Variants in PDE11A observed in about 807,000 individuals in gnomAD.
PDE11A encodes the protein phosphodiesterase 11A, also known as dual 3',5'-cyclic-AMP and -GMP phosphodiesterase 11A.
Under a neutral mutation model 100.5 loss-of-function variants are expected in PDE11A, and 100 were observed. The observed-to-expected ratio is 1.00, with a 90% CI of 0.85 to 1.18. PDE11A has a LOEUF of 1.18. Ranked by LOEUF, PDE11A falls within the 50% of genes most tolerant of loss-of-function variation. PDE11A has a pLI of 0.00. For missense variants in PDE11A, 1,141 were observed against 1,152.6 expected (o/e 0.99, Z 0.15); for synonymous variants, 381 against 420.8 (o/e 0.91, Z 1.16).
intron 2 of PDE11A, among the ~76,000 whole-genome samples, chr2:177,986,614 G>A (rs1304486832): frequency 1.3e-5 from 2 of 152,010 alleles, no homozygotes; most frequent in Non-Finnish European, 1.5e-5. Flanking sequence ...GGAGGATCAC[G>A]AGGTCAAGAG....
At chr2:177,640,934 T>C (rs775955614) in intron 19 of PDE11A, among the ~76,000 whole-genome samples, 5 of 152,218 alleles carry the variant, frequency 3.3e-5, no homozygotes, top group Admixed American at 3.3e-4. Flanking sequence ...GTCCTGTCAA[T>C]CCCACTTCCA....
intron 5 of PDE11A, among the ~76,000 whole-genome samples, chr2:177,842,258 G>C (rs1252898775): frequency 6.6e-6 from 1 of 152,190 alleles, no homozygotes; most frequent in Non-Finnish European, 1.5e-5. Context: ...GGGCACAGAA[G>C]TAAAACGGTT....
At chr2:177,701,814 A>G (rs2081201748) in intron 13 of PDE11A, among the ~76,000 whole-genome samples, 2 of 152,182 alleles carry the variant, frequency 1.3e-5, no homozygotes, top group South Asian at 4.1e-4. Context: ...TTTCCAGTCC[A>G]TAGTCACACT....
At chr2:178,055,040 A>G (rs2086880780) in intron 1 of PDE11A, among the ~76,000 whole-genome samples, 2 of 152,228 alleles carry the variant, frequency 1.3e-5, no homozygotes, top group African/African-American at 4.8e-5. Context: ...ATAAAGACAC[A>G]TGCACATGTA....
At chr2:178,086,364 C>T (rs1472173948) in intron 2 of PDE11A, among the ~76,000 whole-genome samples, 1 of 152,132 alleles carries the variant, frequency 6.6e-6, no homozygotes, top group East Asian at 1.9e-4. Flanking sequence ...TACACAAAGG[C>T]ATGAATAGCT....
At chr2:177,717,454 A>C (rs2081457118) in intron 12 of PDE11A, among the ~76,000 whole-genome samples, 1 of 152,062 alleles carries the variant, frequency 6.6e-6, no homozygotes, top group African/African-American at 2.4e-5. Flanking sequence ...CATTTACCCC[A>C]TTCTTGACTC....
At chr2:178,074,049 G>T (rs2087172496), upstream of PDE11A, among the ~76,000 whole-genome samples, 1 of 152,046 alleles carries the variant, frequency 6.6e-6, no homozygotes, top group Admixed American at 6.5e-5. Context: ...ATCATAAAAT[G>T]GAATAAAGCA....
intron 19 of PDE11A, among the ~76,000 whole-genome samples, chr2:177,637,458 T>A (rs1270697122): frequency 2.0e-5 from 3 of 152,158 alleles, no homozygotes; most frequent in Non-Finnish European, 4.4e-5. Flanking sequence ...TCTATCGCAC[T>A]GAAAAGGTAT....
chr2:177,679,504 A>G (rs1195429238), intron 16 of PDE11A, among the ~76,000 whole-genome samples: 1 of 152,232 alleles, frequency 6.6e-6, no homozygotes, highest in Non-Finnish European at 1.5e-5. Flanking sequence ...CTGTGCAACC[A>G]GTATGGGAAT....
At chr2:177,893,689 G>T (rs1231947448) in intron 4 of PDE11A, among the ~76,000 whole-genome samples, 1 of 152,128 alleles carries the variant, frequency 6.6e-6, no homozygotes, top group African/African-American at 2.4e-5. Flanking sequence ...ATAAGGAAAA[G>T]CTCTTTGGTG....
At chr2:177,990,440 T>G (rs2085988443) in intron 2 of PDE11A, among the ~76,000 whole-genome samples, 1 of 152,070 alleles carries the variant, frequency 6.6e-6, no homozygotes, top group African/African-American at 2.4e-5. Flanking sequence ...CTGGGGGGGA[T>G]AGTTTCAAAA....
intron 2 of PDE11A, among the ~76,000 whole-genome samples, chr2:178,082,777 T>C (rs1040070704): frequency 3.9e-5 from 6 of 152,182 alleles, no homozygotes; most frequent in African/African-American, 1.4e-4. Flanking sequence ...ACCCTCACTG[T>C]GCATTCTGGG....
chr2:178,080,058 G>A (rs370132720), intron 2 of PDE11A, among the ~76,000 whole-genome samples: 119 of 152,160 alleles, frequency 7.8e-4, no homozygotes, highest in African/African-American at 2.6e-3. Flanking sequence ...TTGTCAGATG[G>A]ATAGATTGCA....
At chr2:177,871,391 G>A (rs971838793) in intron 5 of PDE11A, among the ~76,000 whole-genome samples, 2 of 152,002 alleles carry the variant, frequency 1.3e-5, no homozygotes, top group Admixed American at 1.3e-4. Context: ...GCACAGCACT[G>A]GTGAGGAGTG....
In PDE11A at chr2:177,665,245, G is replaced by A. The variant is rs903847500; in HGVS notation, c.2563-1296C>T. Among the ~76,000 whole-genome samples the A allele has an allele frequency of 4.6e-5, 7 of 150,810 alleles. No individual in the cohort carries two copies. In the East Asian group the frequency reaches 1.4e-3, roughly 29 times the overall value. On this transcript the variant is annotated intron_variant, in intron 18 of 19. Transcript: ENST00000286063. ...CTAGCACTTTGAGAGGTTGGGGCAG[G>A]AGGATCACTTGAGCCCAAGAGTTCA...
intron 5 of PDE11A, among the ~76,000 whole-genome samples, chr2:177,841,609 G>C (rs2083491845): frequency 1.3e-5 from 2 of 152,080 alleles, no homozygotes; most frequent in Admixed American, 6.5e-5. Context: ...TGAGTGAGTG[G>C]GACACATAGA....
At position 177,778,316 on chromosome 2, in the gene PDE11A, G is replaced by T. The variant is rs559522110; in HGVS notation, c.1738-8943C>A. On this transcript the variant is annotated intron_variant, in intron 9 of 19. Coordinates refer to ENST00000286063, the MANE Select transcript of PDE11A (RefSeq NM_016953.4). ...ACAGACCTCTTGCACCAATTGTCTT[G>T]AATGTTAATTTGTTGTGGATTTGGG... 5.3e-5 allele frequency among the ~76,000 whole-genome samples: 8 copies of T among 152,254 alleles called. No individual in the cohort carries two copies. The South Asian group carries it at 1.7e-3, about 32-fold the overall frequency.
rs529690354 is a variant in PDE11A at position 178,032,683 on chromosome 2, T to A, written c.913-18223A>T. 2.0e-5 allele frequency among the ~76,000 whole-genome samples: 3 copies of A among 152,200 alleles called. No homozygotes were observed. The East Asian group carries it at 5.8e-4, about 29-fold the overall frequency. On this transcript the variant is annotated intron_variant, in intron 1 of 19. Coordinates refer to ENST00000286063, the MANE Select transcript of PDE11A (RefSeq NM_016953.4). ...GCATTAGGCCAGGGCCTCCCTAGAA[T>A]GAAGCTTCCAGAGGAAGGAGCAGGC...
At chr2:177,898,842 G>A (rs2084654094) in intron 3 of PDE11A, among the ~76,000 whole-genome samples, 3 of 152,026 alleles carry the variant, frequency 2.0e-5, no homozygotes, top group South Asian at 4.2e-4. Context: ...CTCATACACC[G>A]GCCTTGTATA....
Sources: gnomAD v4.1 joint callset for allele counts (sites outside exome capture counted in the v4.1 genomes callset) on GRCh38, gnomAD v4.1.1 for gene constraint, MANE v1.5 for transcripts, NCBI Gene and HGNC (gene_info 2026-07-23, HGNC 2026-07-21) for gene names.